The following SLC7A14 variants were observed in gnomAD, a reference collection of about 807,000 sequenced individuals.
The protein encoded by SLC7A14 is solute carrier family 7 member 14, also known as gamma-aminobutyric acid transporter SLC7A14.
A neutral mutation model predicts 60.2 loss-of-function variants in SLC7A14; 37 were observed. The observed-to-expected ratio is 0.61, with a 90% CI of 0.47 to 0.81. The LOEUF (loss-of-function observed/expected upper bound fraction) is 0.81, where lower values mean the gene tolerates loss of function less well. SLC7A14 is among the 30% of genes least tolerant of loss of function. SLC7A14 has a pLI of 0.00. For synonymous variants in SLC7A14, 399 were observed against 395.8 expected, an observed-to-expected ratio of 1.01 and a Z score of -0.10; for missense variants, 886 against 982.7, an observed-to-expected ratio of 0.90 and a Z score of 1.32.
intron 1 of SLC7A14, among the ~76,000 whole-genome samples, chr3:170,555,232 G>A (rs1714456413): frequency 6.6e-6 from 1 of 151,452 alleles, no homozygotes; most frequent in Non-Finnish European, 1.5e-5. Flanking sequence ...AGTTATACAT[G>A]CTCATTGTGG....
chr3:170,585,705 C>G lies in SLC7A14; in HGVS notation c.-153+206G>C, dbSNP rs1310342059. ...CATTCCGGGCCAGAGCAGGAAAGAG[C>G]CCGACCCACCTCCTCGGTTCTTCCA... is the stretch of plus-strand genomic sequence containing the variant. On this transcript the variant is annotated intron_variant, in intron 1 of 7. Coordinates refer to ENST00000231706, the MANE Select transcript of SLC7A14 (RefSeq NM_020949.3). This position sits in a 1 kb window ranked among gnomAD's most constrained non-coding sequence, Gnocchi z 5.1. 6.6e-6 allele frequency among the ~76,000 whole-genome samples: 1 copy of G among 152,092 alleles called. No individual in the cohort carries two copies. Among genetic ancestry groups the G allele is most frequent in the African/African-American group, 2.4e-5 (1 of 41,424 alleles).
intron 2 of SLC7A14, among the ~76,000 whole-genome samples, chr3:170,502,507 C>T (rs1027679524): frequency 6.6e-6 from 1 of 152,034 alleles, no homozygotes; most frequent in African/African-American, 2.4e-5. Context: ...GTGGGTGGGG[C>T]AACGAGTTGG....
At chr3:170,515,546 G>T (rs1221052279) in intron 2 of SLC7A14, among the ~76,000 whole-genome samples, 1 of 151,836 alleles carries the variant, frequency 6.6e-6, no homozygotes, top group Admixed American at 6.6e-5. Flanking sequence ...GACAAAGCAG[G>T]GCTTGAACTG....
At chr3:170,480,202 G>A (rs1462384740) in intron 7 of SLC7A14, 87 bp downstream of exon 7, 14 of 1,373,794 alleles carry the variant, frequency 1.0e-5, no homozygotes, top group Non-Finnish European at 1.2e-5. Flanking sequence ...GAACGGAGTT[G>A]CCTAGTCCAG....
chr3:170,492,093 C>T (rs60253187), intron 4 of SLC7A14, among the ~76,000 whole-genome samples: 2,894 of 152,222 alleles, frequency 0.019, 96 homozygotes, highest in African/African-American at 0.065. Context: ...GTGTCTCTAC[C>T]CAAAGAACCA....
intron 1 of SLC7A14, among the ~76,000 whole-genome samples, chr3:170,538,892 A>G (rs1020368341): frequency 3.3e-5 from 5 of 152,150 alleles, no homozygotes; most frequent in Non-Finnish European, 7.4e-5. Flanking sequence ...TCACATTTCC[A>G]TGTTCCTTTG....
At chr3:170,537,722 G>A (rs1028842568) in intron 1 of SLC7A14, among the ~76,000 whole-genome samples, 3 of 152,354 alleles carry the variant, frequency 2.0e-5, no homozygotes, top group African/African-American at 7.2e-5. Flanking sequence ...TGCTTTCAGA[G>A]GAGCAGCTTC....
chr3:170,548,875 AAATT>A (rs139670481), intron 1 of SLC7A14, among the ~76,000 whole-genome samples: 17,329 of 152,132 alleles, frequency 0.11, 1,203 homozygotes, highest in East Asian at 0.18. Context: ...GTTATGTAAT[AAATT>A]AATTAATTGT....
chr3:170,469,518 G>C (rs934533231), intron 7 of SLC7A14, among the ~76,000 whole-genome samples: 5 of 151,978 alleles, frequency 3.3e-5, no homozygotes, highest in African/African-American at 1.2e-4. Flanking sequence ...GGCTATGGGG[G>C]ATGGTTATTA....
intron 1 of SLC7A14, among the ~76,000 whole-genome samples, chr3:170,566,795 C>T (rs1480431732): frequency 6.6e-6 from 1 of 151,154 alleles, no homozygotes; most frequent in Non-Finnish European, 1.5e-5. Context: ...TGGTGAGGAT[C>T]ACCTTATAGT....
intron 2 of SLC7A14, among the ~76,000 whole-genome samples, chr3:170,521,261 G>T (rs770211580): frequency 6.6e-6 from 1 of 152,230 alleles, no homozygotes; most frequent in South Asian, 2.1e-4. Context: ...AAAATAGATT[G>T]CTCTGTGAGT....
At chr3:170,561,809 A>G (rs1185192865) in intron 1 of SLC7A14, among the ~76,000 whole-genome samples, 1 of 152,208 alleles carries the variant, frequency 6.6e-6, no homozygotes, top group Non-Finnish European at 1.5e-5. Flanking sequence ...AAAACAAACT[A>G]TCCCTTCAAA....
At position 170,532,438 on chromosome 3, in the gene SLC7A14, G is replaced by A. The variant is rs1221870805; in HGVS notation, c.-152-5350C>T. 4.6e-5 allele frequency among the ~76,000 whole-genome samples: 7 copies of A among 152,234 alleles called. No individual in the cohort carries two copies. The highest frequency in any genetic ancestry group is 1.7e-4 in the African/African-American group (7 of 41,462). ...TAAGAACACAATTCAGGAACCAGGT[G>A]CCCTGCATGCAAATTCTGCCTCTGC... On this transcript the variant is annotated intron_variant, in intron 1 of 7. Coordinates refer to ENST00000231706, the MANE Select transcript of SLC7A14 (RefSeq NM_020949.3). The surrounding 1 kb of genome is among the most constrained non-coding windows in gnomAD (Gnocchi z 4.0).
At chr3:170,506,236 C>G (rs1577521822) in intron 2 of SLC7A14, among the ~76,000 whole-genome samples, 1 of 152,196 alleles carries the variant, frequency 6.6e-6, no homozygotes, top group African/African-American at 2.4e-5. Flanking sequence ...TTTATTTCAG[C>G]AGGACTAGAG....
chr3:170,500,305 G>A (rs1406102176), intron 3 of SLC7A14, among the ~76,000 whole-genome samples: 1 of 152,030 alleles, frequency 6.6e-6, no homozygotes, highest in African/African-American at 2.4e-5. Context: ...GCTGAGTGTG[G>A]TAGCTGAGTA....
intron 2 of SLC7A14, among the ~76,000 whole-genome samples, chr3:170,513,005 G>A (rs1450988637): frequency 6.6e-6 from 1 of 152,194 alleles, no homozygotes; most frequent in Non-Finnish European, 1.5e-5. Context: ...AGCTGACAAA[G>A]ATGGGGGTTA....
chr3:170,506,282 C>T (rs1311972848), intron 2 of SLC7A14, among the ~76,000 whole-genome samples: 4 of 152,184 alleles, frequency 2.6e-5, no homozygotes, highest in South Asian at 2.1e-4. Context: ...TTTTCAATTA[C>T]CCACGATATA....
At chr3:170,514,506 G>A (rs982727262) in intron 2 of SLC7A14, among the ~76,000 whole-genome samples, 13 of 152,254 alleles carry the variant, frequency 8.5e-5, no homozygotes, top group East Asian at 3.9e-4. Context: ...TATAGCACTC[G>A]TCACTGTTTG....
At chr3:170,495,864 A>G in intron 4 of SLC7A14, 1 of 1,267,740 alleles carries the variant, frequency 7.9e-7, no homozygotes, top group South Asian at 1.2e-5. Flanking sequence ...GAGCTACATG[A>G]ACAACCTTAG....
Sources: allele counts gnomAD v4.1 joint callset (sites outside exome capture counted in the v4.1 genomes callset), GRCh38; gene constraint gnomAD v4.1.1; non-coding constraint Gnocchi (gnomAD v3.1); transcripts MANE v1.5; gene names NCBI Gene and HGNC (gene_info 2026-07-23, HGNC 2026-07-21).